HCN1: variants seen among roughly 807,000 people sequenced by gnomAD.
The protein encoded by HCN1 is potassium/sodium hyperpolarization-activated cyclic nucleotide-gated channel 1.
A neutral mutation model predicts 78.9 loss-of-function variants in HCN1; 13 were observed. The observed-to-expected ratio is 0.16, with a 90% CI of 0.11 to 0.26. HCN1 has a LOEUF of 0.26. Among genes scored for constraint, HCN1 ranks in the 10% least tolerant of loss-of-function variants. The pLI is 1.00. For missense variants in HCN1, 810 were observed against 1,154.3 expected (o/e 0.70, Z 4.32); for synonymous variants, 552 against 455.5 (o/e 1.21, Z -2.70).
chr5:45,266,355 T>C (rs984812305), intron 7 of HCN1, among the ~76,000 whole-genome samples: 3 of 152,148 alleles, frequency 2.0e-5, no homozygotes, highest in Non-Finnish European at 2.9e-5. Context: ...CTGAGATTAA[T>C]TTAAATGTGC....
chr5:45,536,962 C>A (rs1309959374), intron 2 of HCN1, among the ~76,000 whole-genome samples: 1 of 152,180 alleles, frequency 6.6e-6, no homozygotes, highest in Non-Finnish European at 1.5e-5. Flanking sequence ...AATTTCTCAA[C>A]CAGCATGCAT....
At chr5:45,580,987 A>G (rs1197157017) in intron 2 of HCN1, among the ~76,000 whole-genome samples, 1 of 152,142 alleles carries the variant, frequency 6.6e-6, no homozygotes, top group Non-Finnish European at 1.5e-5. Flanking sequence ...GAATAGTGCC[A>G]CAGTGAACAT....
rs922481960 is a variant in HCN1 at position 45,673,924 on chromosome 5, G to A, written c.425+21745C>T. 1.3e-5 allele frequency among the ~76,000 whole-genome samples: 2 copies of A among 151,490 alleles called. 1 individual carries two copies. The highest frequency in any genetic ancestry group is 1.3e-4 in the Admixed American group (2 of 15,136). ...AACGTGATTTCAAGTATGAAATTAT[G>A]TGCCCCTAAATAATTTCCCATTGTT... On this transcript the variant is annotated intron_variant, in intron 1 of 7. Transcript: ENST00000303230.
intron 3 of HCN1, among the ~76,000 whole-genome samples, chr5:45,432,180 T>A (rs1300463703): frequency 1.3e-5 from 2 of 152,172 alleles, no homozygotes; most frequent in Non-Finnish European, 2.9e-5. Context: ...AGGTATTTTA[T>A]TCTTTTTGTG....
intron 2 of HCN1, among the ~76,000 whole-genome samples, chr5:45,636,343 T>C (rs770852254): frequency 3.3e-5 from 5 of 152,144 alleles, no homozygotes; most frequent in African/African-American, 4.8e-5. Context: ...CATAAACCAA[T>C]AGTATTAGCA....
chr5:45,263,824 G>T (rs533734330), intron 7 of HCN1, among the ~76,000 whole-genome samples: 1 of 151,686 alleles, frequency 6.6e-6, no homozygotes, highest in Non-Finnish European at 1.5e-5. Flanking sequence ...ACGGAGTCTC[G>T]CTCTGATGCC....
chr5:45,604,126 A>ATTTC (rs1388061997), intron 2 of HCN1, among the ~76,000 whole-genome samples: 6 of 152,124 alleles, frequency 3.9e-5, no homozygotes, highest in Non-Finnish European at 8.8e-5. Context: ...TCCAGACAGA[A>ATTTC]TTGACAGAAT....
At chr5:45,304,942 AT>A (rs1222335356) in intron 5 of HCN1, among the ~76,000 whole-genome samples, 1 of 152,160 alleles carries the variant, frequency 6.6e-6, no homozygotes, top group East Asian at 1.9e-4. Context: ...GGAACCAAAC[AT>A]TTTTAATCAT....
At chr5:45,668,397 C>T (rs1746090880) in intron 1 of HCN1, among the ~76,000 whole-genome samples, 1 of 151,872 alleles carries the variant, frequency 6.6e-6, no homozygotes, top group Non-Finnish European at 1.5e-5. Flanking sequence ...CAATCTCTCT[C>T]TCCTGCCACC....
chr5:45,349,218 C>A (rs1040638036), intron 5 of HCN1, among the ~76,000 whole-genome samples: 2 of 152,308 alleles, frequency 1.3e-5, no homozygotes, highest in South Asian at 2.1e-4. Flanking sequence ...GATTAAGAAA[C>A]TCACTCAAAG....
chr5:45,418,734 A>T (rs1740166925), intron 3 of HCN1, among the ~76,000 whole-genome samples: 1 of 152,104 alleles, frequency 6.6e-6, no homozygotes, highest in South Asian at 2.1e-4. Context: ...AGCAAACAGT[A>T]TGCTTAAGGA....
chr5:45,498,462 T>C (rs561875449), intron 2 of HCN1, among the ~76,000 whole-genome samples: 7 of 152,288 alleles, frequency 4.6e-5, no homozygotes, highest in South Asian at 2.1e-4. Flanking sequence ...CTTCTCTGTA[T>C]TGGTTATTCT....
chr5:45,422,949 G>T (rs958270600), intron 3 of HCN1, among the ~76,000 whole-genome samples: 1 of 151,970 alleles, frequency 6.6e-6, no homozygotes, highest in Admixed American at 6.6e-5. Context: ...TAGATAGAAC[G>T]AATAAGATCT....
rs76754257 is a variant in HCN1 at position 45,629,822 on chromosome 5, G to A, written c.849+15363C>T. 8.4e-3 allele frequency among the ~76,000 whole-genome samples: 1,280 copies of A among 152,164 alleles called. 19 individuals carry two copies. The highest frequency in any genetic ancestry group is 0.03 in the African/African-American group (1,226 of 41,526). On this transcript the variant is annotated intron_variant, in intron 2 of 7. Coordinates refer to ENST00000303230, the MANE Select transcript of HCN1 (RefSeq NM_021072.4). ...TAATTATCTTAAGTGTGAAAGTTAG[G>A]AAATTAAATTATGCTAATATTCATC...
intron 5 of HCN1, among the ~76,000 whole-genome samples, chr5:45,326,477 A>G (rs949506062): frequency 1.3e-5 from 2 of 151,608 alleles, no homozygotes; most frequent in African/African-American, 2.4e-5. Context: ...TGTTAATTAT[A>G]GTTATATTAA....
intron 3 of HCN1, among the ~76,000 whole-genome samples, chr5:45,458,166 G>A (rs1741064549): frequency 6.6e-6 from 1 of 151,954 alleles, no homozygotes; most frequent in Non-Finnish European, 1.5e-5. Flanking sequence ...TATAATTATA[G>A]CATTGACTTT....
chr5:45,373,076 T>A (rs1327604035), intron 4 of HCN1, among the ~76,000 whole-genome samples: 6 of 134,822 alleles, frequency 4.5e-5, no homozygotes, highest in South Asian at 4.4e-4. Flanking sequence ...ATGTAGTATA[T>A]AATATATAAA....
chr5:45,275,912 C>G (rs1745048289), intron 6 of HCN1, among the ~76,000 whole-genome samples: 1 of 152,090 alleles, frequency 6.6e-6, no homozygotes, highest in Non-Finnish European at 1.5e-5. Context: ...TAGCAGCACT[C>G]AAGTCGTCAA....
intron 6 of HCN1, among the ~76,000 whole-genome samples, chr5:45,302,354 T>A (rs940601460): frequency 3.3e-5 from 5 of 152,098 alleles, no homozygotes; most frequent in Middle Eastern, 3.2e-3. Context: ...GCTGTGATTG[T>A]AAGTTTCCTG....
Sources: allele counts gnomAD v4.1 joint callset (sites outside exome capture counted in the v4.1 genomes callset), GRCh38; gene constraint gnomAD v4.1.1; transcripts MANE v1.5; gene names NCBI Gene and HGNC (gene_info 2026-07-23, HGNC 2026-07-21).